Variants in EEPD1 observed in about 807,000 individuals in gnomAD.
EEPD1 encodes endonuclease/exonuclease/phosphatase family domain-containing protein 1.
A neutral mutation model predicts 46.3 loss-of-function variants in EEPD1; 17 were observed. That is an observed-to-expected ratio of 0.37 (90% CI 0.25 to 0.55). The LOEUF (loss-of-function observed/expected upper bound fraction) is 0.55, where lower values mean the gene tolerates loss of function less well. Ranked by LOEUF, EEPD1 falls within the 20% of genes least tolerant of loss-of-function variation. The probability of loss-of-function intolerance (pLI) is 0.83; values close to 1 mark genes in which losing one functional copy is unlikely to be tolerated. For synonymous variants in EEPD1, 313 were observed against 315.6 expected (o/e 0.99, Z 0.09); for missense variants, 673 against 745.6 (o/e 0.90, Z 1.13).
At chr7:36,181,296 T>A (rs1194132252) in intron 2 of EEPD1, among the ~76,000 whole-genome samples, 1 of 151,680 alleles carries the variant, frequency 6.6e-6, no homozygotes, top group Non-Finnish European at 1.5e-5. Flanking sequence ...CTCGGAGGGC[T>A]GTGGCTGTGC....
At position 36,193,470 on chromosome 7, in the gene EEPD1, G is replaced by T. The variant is rs774121990; in HGVS notation, c.878+38268G>T. On this transcript the variant is annotated intron_variant, in intron 2 of 7. Transcript: ENST00000242108. The surrounding 1 kb of genome is among the most constrained non-coding windows in gnomAD (Gnocchi z 4.9). ...TGCCAGCCTTGGGAGGTCCCCCGGG[G>T]AGTGCGGTCCCCTGAAGGCAGAGGC... Among the ~76,000 whole-genome samples the T allele has an allele frequency of 6.6e-6, 1 of 152,170 alleles. No homozygotes were observed. Among genetic ancestry groups the T allele is most frequent in the Non-Finnish European group, 1.5e-5 (1 of 68,022 alleles).
rs1205345371 is a variant in EEPD1, at chr7:36,300,086, C to T, written c.*880C>T. ...CTCTCAGGGTGGTATCACCTCCTCC[C>T]TCCTCCCCACTCACTCCAGTTTTTA... On this transcript the variant is annotated 3_prime_UTR_variant, in exon 8 of 8. Coordinates refer to ENST00000242108, the MANE Select transcript of EEPD1 (RefSeq NM_030636.3). 6.6e-6 allele frequency: 1 copy of T among 152,342 alleles called. No homozygotes were observed. The highest frequency in any genetic ancestry group is 2.4e-5 in the African/African-American group (1 of 41,460). The allele number at this position is 152,342 out of a possible 1,614,324, so 9.4% of individuals were successfully genotyped here.
intron 3 of EEPD1, among the ~76,000 whole-genome samples, chr7:36,247,983 G>C (rs984824531): frequency 6.6e-6 from 1 of 152,160 alleles, no homozygotes; most frequent in African/African-American, 2.4e-5. Context: ...CGCAGAAGGA[G>C]GTTCTGGGTT....
chr7:36,216,537 C>T (rs577314311), intron 2 of EEPD1, among the ~76,000 whole-genome samples: 20 of 151,956 alleles, frequency 1.3e-4, no homozygotes, highest in African/African-American at 4.9e-4. Flanking sequence ...TATTACACAC[C>T]TTAAAAATGC....
At chr7:36,277,970 A>T (rs1436021446) in intron 3 of EEPD1, among the ~76,000 whole-genome samples, 2 of 152,214 alleles carry the variant, frequency 1.3e-5, no homozygotes, top group Non-Finnish European at 2.9e-5. Context: ...TTTAAATATT[A>T]ATAGAAAGCA....
At chr7:36,168,613 C>T (rs1785027661) in intron 2 of EEPD1, among the ~76,000 whole-genome samples, 1 of 151,996 alleles carries the variant, frequency 6.6e-6, no homozygotes, top group African/African-American at 2.4e-5. Context: ...ACAAAATTAG[C>T]TGGGCATAGT....
chr7:36,269,759 G>A (rs1026955171), intron 3 of EEPD1, among the ~76,000 whole-genome samples: 2 of 152,076 alleles, frequency 1.3e-5, no homozygotes, highest in African/African-American at 4.8e-5. Context: ...AAAAAATAAA[G>A]CAAAACCCAG....
chr7:36,221,264 A>G (rs1160794667), intron 2 of EEPD1, among the ~76,000 whole-genome samples: 2 of 152,228 alleles, frequency 1.3e-5, no homozygotes, highest in African/African-American at 4.8e-5. Context: ...ATCTTTTAAT[A>G]AACTTGCATT....
chr7:36,158,537 G>A (rs1284565484), intron 2 of EEPD1, among the ~76,000 whole-genome samples: 2 of 152,172 alleles, frequency 1.3e-5, no homozygotes, highest in African/African-American at 4.8e-5. Context: ...TGAGCTATAA[G>A]AAACTGTTTT....
intron 6 of EEPD1, among the ~76,000 whole-genome samples, chr7:36,290,810 G>T (rs1040230495): frequency 3.3e-5 from 5 of 152,202 alleles, no homozygotes; most frequent in African/African-American, 1.2e-4. Flanking sequence ...ACTCTCTGAG[G>T]AAGTCAGCCC....
chr7:36,279,232 G>T (rs1208962668), intron 3 of EEPD1, among the ~76,000 whole-genome samples: 1 of 152,094 alleles, frequency 6.6e-6, no homozygotes, highest in Non-Finnish European at 1.5e-5. Flanking sequence ...GCTGTGCTCT[G>T]TGCCAGGTAG....
At chr7:36,159,202 G>C (rs1240050051) in intron 2 of EEPD1, among the ~76,000 whole-genome samples, 2 of 152,198 alleles carry the variant, frequency 1.3e-5, no homozygotes, top group Admixed American at 1.3e-4. Flanking sequence ...TAATTTCAGG[G>C]ATCAGCTTCG....
chr7:36,198,920 G>A (rs7799198), intron 2 of EEPD1, among the ~76,000 whole-genome samples: 21,230 of 151,828 alleles, frequency 0.14, 1,503 homozygotes, highest in Middle Eastern at 0.19. Flanking sequence ...GGGAGGAGGT[G>A]CTCTTCTAGA....
intron 3 of EEPD1, among the ~76,000 whole-genome samples, chr7:36,274,441 T>C (rs1268562298): frequency 1.3e-5 from 2 of 152,238 alleles, no homozygotes; most frequent in Non-Finnish European, 2.9e-5. Flanking sequence ...AAAAACTTTG[T>C]AGTAGGCTTC....
intron 2 of EEPD1, chr7:36,228,502 G>C (rs2115760188): frequency 6.6e-6 from 1 of 152,050 alleles, no homozygotes; most frequent in Non-Finnish European, 1.5e-5. Context: ...ACTCCAGCCT[G>C]GGCAATAGAG....
At chr7:36,256,934 G>C (rs1362259550) in intron 3 of EEPD1, among the ~76,000 whole-genome samples, 1 of 152,118 alleles carries the variant, frequency 6.6e-6, no homozygotes, top group Non-Finnish European at 1.5e-5. Flanking sequence ...TTACAATTTG[G>C]TATATTTTTG....
At chr7:36,294,171 A>G (rs1434487758) in intron 6 of EEPD1, among the ~76,000 whole-genome samples, 1 of 152,196 alleles carries the variant, frequency 6.6e-6, no homozygotes, top group Non-Finnish European at 1.5e-5. Flanking sequence ...CCTGCCAACC[A>G]AAGATAAGAA....
chr7:36,249,584 G>A (rs1242495653), intron 3 of EEPD1, among the ~76,000 whole-genome samples: 2 of 152,182 alleles, frequency 1.3e-5, no homozygotes, highest in Non-Finnish European at 2.9e-5. Context: ...CATCAAAAAT[G>A]ATAAGATCTT....
At position 36,288,404 on chromosome 7, in the gene EEPD1, G is replaced by A. The variant is rs80128565; in HGVS notation, c.1315+627G>A. The stretch of plus-strand genomic sequence containing the variant: ...TGTCTGCAGCAATACCAAGCACATA[G>A]TAGGGACTTCATGTACACGAGTTGA... On this transcript the variant is annotated intron_variant, in intron 6 of 7. Transcript: ENST00000242108. 5.4e-3 allele frequency among the ~76,000 whole-genome samples: 819 copies of A among 152,256 alleles called. 4 individuals are homozygous for A. The highest frequency in any genetic ancestry group is 7.0e-3 in the Non-Finnish European group (476 of 68,008).
Sources: gnomAD v4.1 joint callset for allele counts (sites outside exome capture counted in the v4.1 genomes callset) on GRCh38, gnomAD v4.1.1 for gene constraint, Gnocchi (gnomAD v3.1) non-coding constraint, MANE v1.5 for transcripts, NCBI Gene and HGNC (gene_info 2026-07-23, HGNC 2026-07-21) for gene names.